Variants in SHB observed in about 807,000 individuals in gnomAD.
SHB encodes the protein SH2 domain containing adaptor protein B, also known as SH2 domain-containing adapter protein B.
A neutral mutation model predicts 52.3 loss-of-function variants in SHB; 20 were observed. The ratio of observed to expected loss-of-function variants is 0.38; its 90% confidence interval spans 0.27 to 0.56. The LOEUF is 0.56. Among genes scored for constraint, SHB ranks in the 20% least tolerant of loss-of-function variants. SHB has a pLI of 0.71. For missense variants in SHB, 825 were observed against 723.3 expected (o/e 1.14, Z -1.61); for synonymous variants, 397 against 316.5 (o/e 1.25, Z -2.70).
chr9:37,974,841 C>T lies in SHB; in HGVS notation c.839-4G>A. 2 of 1,611,966 alleles carry T rather than the reference C, an allele frequency of 1.2e-6. No homozygotes were observed. Among genetic ancestry groups the T allele is most frequent in the Non-Finnish European group, 1.7e-6 (2 of 1,178,660 alleles). ...ACACTTTCCTGCCTCTGAAATTCTG[C>T]AGGCAAAAAGGAAGGAAGCAGAGAT... On this transcript the variant is annotated splice_polypyrimidine_tract_variant and splice_region_variant and intron_variant, in intron 2 of 5. Transcript: ENST00000377707.
chr9:38,001,455 C>T (rs924790374), intron 2 of SHB, among the ~76,000 whole-genome samples: 6 of 152,254 alleles, frequency 3.9e-5, no homozygotes, highest in Admixed American at 6.5e-5. Flanking sequence ...TATGCCTTTC[C>T]TCACCCTGAA....
intron 5 of SHB, among the ~76,000 whole-genome samples, chr9:37,941,698 A>C (rs1039690130): frequency 3.3e-5 from 5 of 152,186 alleles, no homozygotes; most frequent in African/African-American, 1.2e-4. Flanking sequence ...TACTAAGTCC[A>C]CTGTCAGGTA....
intron 5 of SHB, among the ~76,000 whole-genome samples, chr9:37,938,104 A>C (rs1564083002): frequency 6.6e-6 from 1 of 152,206 alleles, no homozygotes; most frequent in Non-Finnish European, 1.5e-5. Flanking sequence ...GCTATCAGTA[A>C]AATAAGCCCC....
At position 38,068,628 on chromosome 9, in the gene SHB, GT is replaced by G; in HGVS notation, c.17del (p.Asn6ThrfsTer235). The stretch of plus-strand genomic sequence containing the variant: ...TGCTGTTGCCCAAGCTGAAGTACTT[GT>G]TTAGCCACTTGGCCATGGCGAGAGG... The part of the protein sequence containing the change: MAKWL[N>X]KYFSLGNSKT... On this transcript the variant is annotated frameshift_variant, in exon 1 of 6. Coordinates refer to ENST00000377707, the MANE Select transcript of SHB (RefSeq NM_003028.3). LOFTEE classifies it high-confidence loss of function. The G allele has an allele frequency of 6.8e-7, 1 of 1,473,336 alleles. No individual in the cohort carries two copies. Among genetic ancestry groups the G allele is most frequent in the Non-Finnish European group, 8.9e-7 (1 of 1,121,806 alleles). 91.3% of individuals were successfully genotyped at this position (1,473,336 alleles called of 1,614,324 possible).
intron 5 of SHB, among the ~76,000 whole-genome samples, chr9:37,939,508 G>A (rs1168226048): frequency 1.3e-5 from 2 of 152,214 alleles, no homozygotes; most frequent in Non-Finnish European, 2.9e-5. Context: ...GACACTGTTG[G>A]CTCAGAACCA....
intron 1 of SHB, among the ~76,000 whole-genome samples, chr9:38,059,130 G>C (rs560973069): frequency 6.6e-6 from 1 of 152,214 alleles, no homozygotes. Flanking sequence ...ATGAATGAAT[G>C]AATGAATGAG....
At chr9:38,057,337 G>A (rs1168647860) in intron 1 of SHB, among the ~76,000 whole-genome samples, 3 of 152,154 alleles carry the variant, frequency 2.0e-5, no homozygotes, top group Non-Finnish European at 2.9e-5. Context: ...ATGAAAAATG[G>A]CTAGATGAAA....
At chr9:37,956,414 T>C (rs1832635424) in intron 3 of SHB, among the ~76,000 whole-genome samples, 1 of 152,086 alleles carries the variant, frequency 6.6e-6, no homozygotes, top group South Asian at 2.1e-4. Context: ...AAAAAGCTGT[T>C]TCTTGTATTG....
intron 1 of SHB, among the ~76,000 whole-genome samples, chr9:38,041,206 CT>C (rs1821571210): frequency 6.6e-6 from 1 of 152,192 alleles, no homozygotes; most frequent in Non-Finnish European, 1.5e-5. Flanking sequence ...CCAGAAAGCC[CT>C]TTTCCCTAAT....
chr9:38,001,709 C>T (rs1048896835), intron 2 of SHB, among the ~76,000 whole-genome samples: 1 of 152,210 alleles, frequency 6.6e-6, no homozygotes, highest in Non-Finnish European at 1.5e-5. Context: ...GACTGGCTGG[C>T]CACAGAGGGT....
chr9:38,040,385 C>T lies in SHB; in HGVS notation c.718-24254G>A, dbSNP rs551350165. Among the ~76,000 whole-genome samples the T allele has an allele frequency of 2.8e-3, 431 of 152,294 alleles. 1 individual carries two copies. Among genetic ancestry groups the T allele is most frequent in the Non-Finnish European group, 4.7e-3 (320 of 68,020 alleles). ...GGGAAGCTGCCACATGAATGCCGGC[C>T]GTTATCCCTAAAGGGGGGGCTTGGG... On this transcript the variant is annotated intron_variant, in intron 1 of 5. Transcript: ENST00000377707.
intron 1 of SHB, among the ~76,000 whole-genome samples, chr9:38,020,763 A>C (rs909321467): frequency 6.6e-6 from 1 of 152,206 alleles, no homozygotes; most frequent in Non-Finnish European, 1.5e-5. Flanking sequence ...GAAAATAAAA[A>C]TTTAAATAAA....
chr9:37,984,372 A>C (rs983430646), intron 2 of SHB, among the ~76,000 whole-genome samples: 8 of 152,140 alleles, frequency 5.3e-5, no homozygotes, highest in African/African-American at 1.9e-4. Context: ...TGATAATCTG[A>C]CACCCCCACA....
At chr9:37,993,270 G>A (rs1014251135) in intron 2 of SHB, among the ~76,000 whole-genome samples, 26 of 152,116 alleles carry the variant, frequency 1.7e-4, no homozygotes, top group African/African-American at 5.3e-4. Context: ...ATGTGTGTGC[G>A]CGTGTGTGTG....
intron 3 of SHB, among the ~76,000 whole-genome samples, chr9:37,968,591 G>A (rs1183930532): frequency 6.6e-6 from 1 of 152,176 alleles, no homozygotes; most frequent in Admixed American, 6.5e-5. Context: ...TAACTTTCAC[G>A]GAGACAAAGC....
intron 5 of SHB, among the ~76,000 whole-genome samples, chr9:37,942,289 A>G (rs867767828): frequency 6.6e-6 from 1 of 152,208 alleles, no homozygotes; most frequent in South Asian, 2.1e-4. Flanking sequence ...ACAGGAGGCA[A>G]GTTCTTGATA....
intron 2 of SHB, among the ~76,000 whole-genome samples, chr9:37,992,382 C>T (rs1301568782): frequency 3.9e-5 from 6 of 152,104 alleles, no homozygotes; most frequent in Non-Finnish European, 8.8e-5. Context: ...CCCTGGGCAA[C>T]AAGAGCGAAA....
chr9:37,992,541 G>C (rs1327447906), intron 2 of SHB, among the ~76,000 whole-genome samples: 2 of 152,246 alleles, frequency 1.3e-5, no homozygotes, highest in African/African-American at 4.8e-5. Context: ...TTACACTTCA[G>C]TGGAGGGGCA....
chr9:38,030,059 G>C (rs1374436766), intron 1 of SHB, among the ~76,000 whole-genome samples: 1 of 152,208 alleles, frequency 6.6e-6, no homozygotes, highest in Non-Finnish European at 1.5e-5. Flanking sequence ...TGGGGAAAGG[G>C]AGAAGGGCTG....
Sources: gnomAD v4.1 joint callset for allele counts (sites outside exome capture counted in the v4.1 genomes callset) on GRCh38, gnomAD v4.1.1 for gene constraint, MANE v1.5 for transcripts, NCBI Gene and HGNC (gene_info 2026-07-23, HGNC 2026-07-21) for gene names.